Variants in LTF observed in about 807,000 individuals in gnomAD.
The protein encoded by LTF is epididymis luminal protein 110.
LTF carries 91 observed loss-of-function variants against 87.2 expected under a neutral mutation model. That is an observed-to-expected ratio of 1.04 (90% CI 0.88 to 1.24). The LOEUF is 1.24. Among genes scored for constraint, LTF ranks in the 50% most tolerant of loss-of-function variants. LTF has a pLI of 0.00. For synonymous variants in LTF, 378 were observed against 356.1 expected (o/e 1.06, Z -0.69); for missense variants, 901 against 904.3 (o/e 1.00, Z 0.05).
intron 10 of LTF, among the ~76,000 whole-genome samples, 198 bp from the exon 11 acceptor site, chr3:46,446,691 C>T (rs549654887): frequency 6.6e-6 from 1 of 152,220 alleles, no homozygotes; most frequent in Admixed American, 6.5e-5. Flanking sequence ...CAGCCACCAA[C>T]TGGAAACTAC....
intron 10 of LTF, among the ~76,000 whole-genome samples, 198 bp downstream of exon 10, chr3:46,447,110 C>T (rs1702674562): frequency 6.6e-6 from 1 of 152,190 alleles, no homozygotes; most frequent in South Asian, 2.1e-4. Flanking sequence ...AAGATAAAAC[C>T]AACCTGTCCC....
Position 46,455,378 on chromosome 3 carries a change from C to T in LTF, c.564G>A (p.Leu188=), listed in dbSNP as rs756717214. Reference sequence around the variant, plus strand: ...CCCCTGTCCCCGCACACAGGCGACACAGGTTGGGGAACTGTCCTTTATCTG... The same window carrying T: ...CCCCTGTCCCCGCACACAGGCGACATAGGTTGGGGAACTGTCCTTTATCTG... ...PGADKGQFPN[L]CRLCAGTGEN... Residue 188 remains leucine, a synonymous_variant, in exon 5 of 17, where the codon CTG becomes CTA. Transcript: ENST00000231751. 7.4e-6 allele frequency: 12 copies of T among 1,614,232 alleles called. No individual in the cohort carries two copies. In the South Asian group the frequency reaches 1.3e-4, roughly 18 times the overall value.
intron 5 of LTF, 72 bp from the exon 6 acceptor site, chr3:46,454,432 C>T (rs1237967641): frequency 7.9e-7 from 1 of 1,261,698 alleles, no homozygotes; most frequent in Non-Finnish European, 1.2e-6. Flanking sequence ...AACAGTAGCC[C>T]TGGCACTCAG....
At chr3:46,449,364 C>G (rs748708257) in intron 8 of LTF, among the ~76,000 whole-genome samples, 1 of 152,162 alleles carries the variant, frequency 6.6e-6, no homozygotes, top group Non-Finnish European at 1.5e-5. Flanking sequence ...GCCTAGGGGA[C>G]CTTGAGCCCA....
chr3:46,475,366 C>T (rs1412576464), intron 1 of LTF, among the ~76,000 whole-genome samples: 5 of 152,164 alleles, frequency 3.3e-5, no homozygotes, highest in African/African-American at 1.2e-4. Flanking sequence ...TCCACACAAC[C>T]TCTTCCAAAA....
chr3:46,479,810 G>T (rs1703409496), intron 1 of LTF, among the ~76,000 whole-genome samples: 1 of 152,238 alleles, frequency 6.6e-6, no homozygotes. Context: ...TTACAGGCGT[G>T]AGCCACTGCG....
chr3:46,440,412 C>T (rs571192080), intron 14 of LTF, among the ~76,000 whole-genome samples: 4 of 152,138 alleles, frequency 2.6e-5, no homozygotes, highest in South Asian at 4.2e-4. Context: ...TGTAAAGTAC[C>T]GGAGAAAGTT....
chr3:46,476,583 G>A (rs572117248), intron 1 of LTF, among the ~76,000 whole-genome samples: 4 of 152,280 alleles, frequency 2.6e-5, no homozygotes, highest in Non-Finnish European at 5.9e-5. Context: ...AACAGCAGAT[G>A]CACAAATCAT....
At chr3:46,460,731 G>A in intron 1 of LTF, 1 of 273,414 alleles carries the variant, frequency 3.7e-6, no homozygotes, top group African/African-American at 2.3e-5. Context: ...AATAAGGCAA[G>A]AAAAGAAATG....
At chr3:46,439,727 C>G (rs1702470200) in intron 14 of LTF, among the ~76,000 whole-genome samples, 1 of 152,208 alleles carries the variant, frequency 6.6e-6, no homozygotes, top group Non-Finnish European at 1.5e-5. Flanking sequence ...CTGGTACATC[C>G]TGCAATATGC....
At chr3:46,439,170 C>G (rs1315076282) in intron 15 of LTF, 126 bp downstream of exon 15, 9 of 888,572 alleles carry the variant, frequency 1.0e-5, no homozygotes, top group Non-Finnish European at 1.5e-5. Flanking sequence ...AGCCAATACT[C>G]TCACCATGAG....
At chr3:46,482,659 AGAAGGAAG>A (rs1206921702) in intron 1 of LTF, among the ~76,000 whole-genome samples, 3,712 of 59,826 alleles carry the variant, frequency 0.062, 441 homozygotes, top group East Asian at 0.11. Flanking sequence ...AAAGAAAGAA[AGAAGGAAG>A]GAAGGAAGGA....
chr3:46,472,214 C>T (rs1434540131), intron 1 of LTF, among the ~76,000 whole-genome samples: 1 of 151,928 alleles, frequency 6.6e-6, no homozygotes, highest in Non-Finnish European at 1.5e-5. Flanking sequence ...CTGCCATGAG[C>T]TGTGGTATTT....
intron 1 of LTF, 73 bp downstream of exon 1, chr3:46,464,752 A>G: frequency 1.3e-6 from 2 of 1,555,334 alleles, no homozygotes; most frequent in Non-Finnish European, 1.8e-6. Context: ...GGACACAGGG[A>G]CCAAAGCGCC....
At chr3:46,443,190 G>A (rs1702564285) in intron 13 of LTF, among the ~76,000 whole-genome samples, 1 of 152,226 alleles carries the variant, frequency 6.6e-6, no homozygotes, top group African/African-American at 2.4e-5. Context: ...GCCTACTGCT[G>A]TTGATCTTGG....
intron 16 of LTF, among the ~76,000 whole-genome samples, chr3:46,437,262 T>C (rs1181943939): frequency 6.6e-6 from 1 of 152,190 alleles, no homozygotes; most frequent in African/African-American, 2.4e-5. Context: ...TACACTTGAA[T>C]TTTTTTGAGA....
chr3:46,468,100 G>T (rs988939782), upstream of LTF, among the ~76,000 whole-genome samples: 5 of 152,082 alleles, frequency 3.3e-5, no homozygotes, highest in Non-Finnish European at 2.9e-5. Flanking sequence ...GATCAATATC[G>T]GTTGAAGGAA....
At chr3:46,462,739 G>A (rs1349748373) in intron 1 of LTF, among the ~76,000 whole-genome samples, 1 of 152,136 alleles carries the variant, frequency 6.6e-6, no homozygotes, top group African/African-American at 2.4e-5. Context: ...TGTGGCCAAC[G>A]AAGGCACCAG....
chr3:46,445,523 CA>C, intron 11 of LTF, 87 bp from the exon 12 acceptor site: 2 of 1,179,780 alleles, frequency 1.7e-6, no homozygotes, highest in Non-Finnish European at 1.2e-6. Flanking sequence ...CAGCCCAGGC[CA>C]AAACAGGCCA....
Sources: allele counts gnomAD v4.1 joint callset (sites outside exome capture counted in the v4.1 genomes callset), GRCh38; gene constraint gnomAD v4.1.1; transcripts MANE v1.5; gene names NCBI Gene and HGNC (gene_info 2026-07-23, HGNC 2026-07-21).